ATRX: variants seen among roughly 807,000 people sequenced by gnomAD.
The protein encoded by ATRX is ATRX chromatin remodeler.
Under a neutral mutation model 172.6 loss-of-function variants are expected in ATRX, and 12 were observed. The observed-to-expected ratio is 0.07, with a 90% CI of 0.04 to 0.11. The LOEUF (loss-of-function observed/expected upper bound fraction) is 0.11, where lower values mean the gene tolerates loss of function less well. Ranked by LOEUF, ATRX falls within the 10% of genes least tolerant of loss-of-function variation. The pLI is 1.00. For missense variants in ATRX, 1,368 were observed against 1,767.4 expected (o/e 0.77, Z 4.05); for synonymous variants, 674 against 594.7 (o/e 1.13, Z -1.94).
At position 77,589,907 on chromosome X, in the gene ATRX, G is replaced by A. The variant is rs1252304745; in HGVS notation, c.6144C>T (p.Asp2048=). 4.1e-6 allele frequency: 5 copies of A among 1,207,971 alleles called. No homozygotes were observed. Among genetic ancestry groups the A allele is most frequent in the Admixed American group, 2.2e-5 (1 of 45,671 alleles). Residue 2048 remains aspartate, a synonymous_variant, in exon 27 of 35, where the codon GAC becomes GAT. Coordinates refer to ENST00000373344, the MANE Select transcript of ATRX (RefSeq NM_000489.6). ...LVFSQSLISL[D]LIEDFLELAS... is the part of the protein sequence containing the mutation. The stretch of plus-strand genomic sequence containing the variant: ...CTAATTCAAGAAAATCTTCAATCAA[G>A]TCCAGAGATATGAGGGACTGGCTGA...
rs2148360137 is a variant in ATRX, at chrX:77,636,023, A to T, written c.4591T>A (p.Cys1531Ser). Reference protein sequence around the residue: ...IEIEDASPTKCPITTKLVLDE... With the variant: ...IEIEDASPTKSPITTKLVLDE... Reference sequence around the variant, plus strand: ...AAAACCAACTTGGTTGTTATTGGACACTTGGTGGGTGAAGCATCTTCAATT... The same window carrying T: ...AAAACCAACTTGGTTGTTATTGGACTCTTGGTGGGTGAAGCATCTTCAATT... The change falls in exon 16 of 35, where the codon TGT (cysteine) becomes AGT (serine). Residue 1531 changes from cysteine (C) to serine (S), a missense_variant. By Grantham distance (112) the Cys-to-Ser change is moderately radical. Coordinates refer to ENST00000373344, the MANE Select transcript of ATRX (RefSeq NM_000489.6). 1 of 1,210,815 alleles carries T rather than the reference A, an allele frequency of 8.3e-7. No homozygotes were observed. Among genetic ancestry groups the T allele is most frequent in the Non-Finnish European group, 1.1e-6 (1 of 894,710 alleles).
chrX:77,639,632 T>C (rs1270459492), intron 15 of ATRX, among the ~76,000 whole-genome samples: 2 of 112,063 alleles, frequency 1.8e-5, no homozygotes, highest in Non-Finnish European at 3.8e-5. Context: ...TTAAGATTTC[T>C]GAACCATATG....
chrX:77,605,948 C>A (rs1253776985), intron 22 of ATRX, among the ~76,000 whole-genome samples: 1 of 111,094 alleles, frequency 9.0e-6, no homozygotes, highest in East Asian at 2.8e-4. Context: ...TTTAAATGAC[C>A]ATTAGAGGCT....
At chrX:77,651,445 T>C (rs2069238320) in intron 15 of ATRX, among the ~76,000 whole-genome samples, 1 of 111,347 alleles carries the variant, frequency 9.0e-6, no homozygotes, top group South Asian at 3.7e-4. Flanking sequence ...CATAACCATT[T>C]TGGTGATCAT....
At chrX:77,540,378 A>G (rs1238507503) in intron 30 of ATRX, among the ~76,000 whole-genome samples, 1 of 111,532 alleles carries the variant, frequency 9.0e-6, no homozygotes, top group African/African-American at 3.3e-5. Context: ...GGAGACTTTA[A>G]CACCCCACTG....
intron 1 of ATRX, among the ~76,000 whole-genome samples, chrX:77,737,581 AT>A: frequency 9.1e-6 from 1 of 110,374 alleles, no homozygotes; most frequent in South Asian, 3.9e-4. Flanking sequence ...TTAATTGTAC[AT>A]TTTTTAATAC....
chrX:77,660,628 TAAGAC>T (rs2069832959), intron 12 of ATRX, among the ~76,000 whole-genome samples: 1 of 109,932 alleles, frequency 9.1e-6, no homozygotes, highest in South Asian at 3.8e-4. Flanking sequence ...AAGAAATTTA[TAAGAC>T]AAGTAGTCAC....
intron 10 of ATRX, among the ~76,000 whole-genome samples, chrX:77,670,948 G>A (rs1490871357): frequency 2.9e-5 from 3 of 104,657 alleles, no homozygotes; most frequent in Non-Finnish European, 3.9e-5. Flanking sequence ...AGGAGTTCGA[G>A]AGCAGCCTGG....
intron 30 of ATRX, among the ~76,000 whole-genome samples, chrX:77,538,429 G>A (rs1028850151): frequency 1.5e-4 from 17 of 110,824 alleles, no homozygotes; most frequent in Non-Finnish European, 2.5e-4. Flanking sequence ...TGCACACAGG[G>A]ACAAACAGAA....
intron 1 of ATRX, among the ~76,000 whole-genome samples, chrX:77,774,628 G>A (rs1200686665): frequency 3.6e-5 from 4 of 110,441 alleles, no homozygotes; most frequent in African/African-American, 9.9e-5. Context: ...AGTGAGCCAA[G>A]ATCGCGCCAC....
At chrX:77,708,123 T>C (rs1191004946) in intron 2 of ATRX, among the ~76,000 whole-genome samples, 1 of 112,065 alleles carries the variant, frequency 8.9e-6, no homozygotes, top group African/African-American at 3.2e-5. Context: ...CACAAAAAAC[T>C]GTACACCAAT....
At chrX:77,716,615 C>T (rs1557165339) in intron 2 of ATRX, among the ~76,000 whole-genome samples, 1 of 108,739 alleles carries the variant, frequency 9.2e-6, no homozygotes, top group Non-Finnish European at 1.9e-5. Flanking sequence ...TGGTGGCAGA[C>T]GCCTGTGATC....
intron 2 of ATRX, among the ~76,000 whole-genome samples, chrX:77,701,004 T>C (rs1418988627): frequency 8.9e-6 from 1 of 112,322 alleles, no homozygotes; most frequent in Non-Finnish European, 1.9e-5. Flanking sequence ...TTAAAATGTA[T>C]AACACCAAGA....
At chrX:77,732,629 G>A (rs1569543610) in intron 1 of ATRX, among the ~76,000 whole-genome samples, 1 of 111,934 alleles carries the variant, frequency 8.9e-6, no homozygotes, top group South Asian at 3.7e-4. Flanking sequence ...ATCAATATAT[G>A]CAAATCAATG....
rs1557139270 is a variant in ATRX, at chrX:77,682,654, A to G, written c.2602T>C (p.Leu868=). Reference sequence around the variant, plus strand: ...GATGATCCTTCTTGTGAGGTCTTCAAATTTTTGTGCCCTTGATTATCCATT... The same window carrying G: ...GATGATCCTTCTTGTGAGGTCTTCAGATTTTTGTGCCCTTGATTATCCATT... The part of the protein sequence containing the change: ...KGMDNQGHKN[L]KTSQEGSSDD... The change falls in exon 9 of 35, where the codon TTG becomes CTG. Residue 868 remains leucine (L), a synonymous_variant. Transcript: ENST00000373344. The G allele has an allele frequency of 1.7e-6, 2 of 1,209,281 alleles. No individual in the cohort carries two copies. The highest frequency in any genetic ancestry group is 4.3e-5 in the Admixed American group (2 of 46,005).
chrX:77,599,885 A>T, intron 23 of ATRX, 65 bp from the exon 24 acceptor site: 1 of 905,825 alleles, frequency 1.1e-6, no homozygotes, highest in Admixed American at 2.3e-5. Flanking sequence ...AATTATATTG[A>T]TGTTCATTTA....
intron 12 of ATRX, among the ~76,000 whole-genome samples, 167 bp from the exon 13 acceptor site, chrX:77,656,820 T>C (rs2069578776): frequency 8.9e-6 from 1 of 112,084 alleles, no homozygotes. Flanking sequence ...ATGCTTTACA[T>C]GATATACATA....
chrX:77,724,276 C>A (rs1159332333), intron 1 of ATRX, among the ~76,000 whole-genome samples: 1 of 103,841 alleles, frequency 9.6e-6, no homozygotes, highest in African/African-American at 3.6e-5. Context: ...AACTCCATCT[C>A]AAATAAATAA....
intron 15 of ATRX, among the ~76,000 whole-genome samples, chrX:77,647,199 T>C (rs1382812086): frequency 2.7e-5 from 3 of 111,211 alleles, no homozygotes; most frequent in Non-Finnish European, 5.7e-5. Context: ...CAAGGAAAAT[T>C]AGAAAACACT....
Sources: allele counts gnomAD v4.1 joint callset (sites outside exome capture counted in the v4.1 genomes callset), GRCh38; gene constraint gnomAD v4.1.1; transcripts MANE v1.5; gene names NCBI Gene and HGNC (gene_info 2026-07-23, HGNC 2026-07-21).